Variants in GRIN3A observed in about 807,000 individuals in gnomAD.
GRIN3A encodes the protein glutamate ionotropic receptor NMDA type subunit 3A, also known as glutamate receptor ionotropic, NMDA 3A.
Under a neutral mutation model 92.4 loss-of-function variants are expected in GRIN3A, and 47 were observed. The observed-to-expected ratio is 0.51, with a 90% CI of 0.40 to 0.65. The LOEUF (loss-of-function observed/expected upper bound fraction) is 0.65. Among genes scored for constraint, GRIN3A ranks in the 30% least tolerant of loss-of-function variants. The pLI is 0.00. For missense variants in GRIN3A, 1,324 were observed against 1,393.1 expected, an observed-to-expected ratio of 0.95 and a Z score of 0.79; for synonymous variants, 527 against 540.6, an observed-to-expected ratio of 0.97 and a Z score of 0.35.
At chr9:101,594,672 C>G (rs1291491534) in intron 6 of GRIN3A, 1 of 1,614,214 alleles carries the variant, frequency 6.2e-7, no homozygotes, top group South Asian at 1.1e-5. Context: ...TCGCCCTTGA[C>G]GCTGAACTGG....
intron 6 of GRIN3A, chr9:101,593,924 G>A (rs1828069895): frequency 6.5e-6 from 1 of 153,946 alleles, no homozygotes; most frequent in Non-Finnish European, 1.4e-5. Context: ...ATTACGAGAT[G>A]CCCAGCAAAG....
In GRIN3A at chr9:101,670,136, G is replaced by A. The variant is rs1014049823; in HGVS notation, c.2276C>T (p.Thr759Ile). 1.2e-6 allele frequency: 2 copies of A among 1,613,668 alleles called. No individual in the cohort carries two copies. Among genetic ancestry groups the A allele is most frequent in the South Asian group, 1.1e-5 (1 of 91,078 alleles). Residue 759 changes from threonine to isoleucine, a missense_variant, in exon 3 of 9, where the codon ACA becomes ATA. By Grantham distance (89) the Thr-to-Ile change is moderately conservative. Coordinates refer to ENST00000361820, the MANE Select transcript of GRIN3A (RefSeq NM_133445.3). ...WAIFCMFCLS[T>I]YTANLAAVMV... Reference sequence around the variant, plus strand: ...GACAGCAGCCAAGTTTGCCGTGTATGTGGAAAGGCAAAACATACAGAAAAT... The same window carrying A: ...GACAGCAGCCAAGTTTGCCGTGTATATGGAAAGGCAAAACATACAGAAAAT...
intron 2 of GRIN3A, among the ~76,000 whole-genome samples, chr9:101,677,111 A>G (rs1829407797): frequency 3.3e-5 from 5 of 151,312 alleles, no homozygotes; most frequent in Admixed American, 3.3e-4. Context: ...GCCAATTTTG[A>G]TATTTCACAA....
At chr9:101,639,861 AG>A (rs1338816328) in intron 3 of GRIN3A, among the ~76,000 whole-genome samples, 2 of 152,222 alleles carry the variant, frequency 1.3e-5, no homozygotes, top group African/African-American at 4.8e-5. Flanking sequence ...GCAAATCATC[AG>A]ACAAACAGAA....
chr9:101,715,232 A>G (rs1829930289), intron 1 of GRIN3A, among the ~76,000 whole-genome samples: 1 of 150,912 alleles, frequency 6.6e-6, no homozygotes, highest in African/African-American at 2.4e-5. Flanking sequence ...AAATGTCAAC[A>G]TTCTATGCAT....
intron 5 of GRIN3A, among the ~76,000 whole-genome samples, chr9:101,615,386 CTT>C (rs547717146): frequency 1.9e-4 from 23 of 124,272 alleles, no homozygotes; most frequent in African/African-American, 3.5e-4. Flanking sequence ...ATTTTTGTTC[CTT>C]TTTTTTTTTT....
At chr9:101,598,948 A>T (rs1401511613) in intron 6 of GRIN3A, among the ~76,000 whole-genome samples, 1 of 152,138 alleles carries the variant, frequency 6.6e-6, no homozygotes, top group Admixed American at 6.5e-5. Context: ...TAATTCCTTG[A>T]TAGTCATTTA....
chr9:101,594,547 C>A, intron 6 of GRIN3A: 1 of 1,614,132 alleles, frequency 6.2e-7, no homozygotes, highest in Non-Finnish European at 8.5e-7. Context: ...GCTGCCAGTC[C>A]GTCAGGTTGT....
At chr9:101,713,669 A>G (rs1183967117) in intron 1 of GRIN3A, among the ~76,000 whole-genome samples, 1 of 152,218 alleles carries the variant, frequency 6.6e-6, no homozygotes. Context: ...TAGCTAGCAC[A>G]TAAGTGAATC....
chr9:101,703,956 C>T (rs1031078039), intron 1 of GRIN3A, among the ~76,000 whole-genome samples: 1 of 152,152 alleles, frequency 6.6e-6, no homozygotes, highest in African/African-American at 2.4e-5. Flanking sequence ...TCTCTAATAT[C>T]TTTATCTAAT....
chr9:101,615,795 C>A lies in GRIN3A; in HGVS notation c.2615-2268G>T, dbSNP rs941366688. Among the ~76,000 whole-genome samples the A allele has an allele frequency of 2.0e-5, 3 of 152,266 alleles. No homozygotes were observed. In the East Asian group the frequency reaches 5.8e-4, roughly 29 times the overall value. On this transcript the variant is annotated intron_variant, in intron 5 of 8. Coordinates refer to ENST00000361820, the MANE Select transcript of GRIN3A (RefSeq NM_133445.3). The stretch of plus-strand genomic sequence containing the variant: ...TATTAGAATCCAAGGATGATTTAAC[C>A]AAGCTGTGTGCCACAATCTGTTGCT...
At chr9:101,688,006 G>A (rs946665102) in intron 1 of GRIN3A, among the ~76,000 whole-genome samples, 1 of 152,184 alleles carries the variant, frequency 6.6e-6, no homozygotes, top group Non-Finnish European at 1.5e-5. Flanking sequence ...TTTGTTAATT[G>A]TTGTCCTCAA....
chr9:101,724,630 C>T (rs755727996), intron 1 of GRIN3A, among the ~76,000 whole-genome samples: 1 of 152,180 alleles, frequency 6.6e-6, no homozygotes, highest in South Asian at 2.1e-4. Flanking sequence ...GCGCCCAGAG[C>T]GAGCGAGCGA....
At chr9:101,678,545 T>G (rs1482092775) in intron 2 of GRIN3A, among the ~76,000 whole-genome samples, 1 of 152,190 alleles carries the variant, frequency 6.6e-6, no homozygotes, top group African/African-American at 2.4e-5. Context: ...TAGTAATATA[T>G]TAAACATATA....
At chr9:101,628,688 G>T (rs941895836) in intron 3 of GRIN3A, among the ~76,000 whole-genome samples, 1 of 152,036 alleles carries the variant, frequency 6.6e-6, no homozygotes, top group Non-Finnish European at 1.5e-5. Context: ...ATGCAAATTG[G>T]CATGTAGAAT....
intron 1 of GRIN3A, among the ~76,000 whole-genome samples, chr9:101,724,450 T>G (rs1467220056): frequency 6.6e-6 from 1 of 151,804 alleles, no homozygotes; most frequent in African/African-American, 2.4e-5. Flanking sequence ...GAACTCCAGC[T>G]GACCTGCGCG....
chr9:101,675,695 G>A (rs1263108343), intron 2 of GRIN3A, among the ~76,000 whole-genome samples: 2 of 151,270 alleles, frequency 1.3e-5, no homozygotes, highest in Non-Finnish European at 3.0e-5. Flanking sequence ...TAAAAGGTTT[G>A]AGCTTTGATT....
intron 1 of GRIN3A, among the ~76,000 whole-genome samples, chr9:101,723,116 G>A (rs947043105): frequency 1.3e-5 from 2 of 152,186 alleles, no homozygotes; most frequent in African/African-American, 2.4e-5. Flanking sequence ...TGCTATTCTC[G>A]TGATAGTAAT....
chr9:101,661,599 T>C lies in GRIN3A; in HGVS notation c.2352+8461A>G, dbSNP rs901250416. Among the ~76,000 whole-genome samples, 18 of 152,000 alleles carry C rather than the reference T, an allele frequency of 1.2e-4. No individual in the cohort carries two copies. The South Asian group carries it at 3.7e-3, about 31-fold the overall frequency. ...TTTATAGCATATGGAATATTATAAG[T>C]TAGTAATTGTGCTACATATTGGACA... is the stretch of plus-strand genomic sequence containing the variant. On this transcript the variant is annotated intron_variant, in intron 3 of 8. Coordinates refer to ENST00000361820, the MANE Select transcript of GRIN3A (RefSeq NM_133445.3).
Sources: allele counts gnomAD v4.1 joint callset (sites outside exome capture counted in the v4.1 genomes callset), GRCh38; gene constraint gnomAD v4.1.1; transcripts MANE v1.5; gene names NCBI Gene and HGNC (gene_info 2026-07-23, HGNC 2026-07-21).